Variants in TRAK2 observed in about 807,000 individuals in gnomAD.
The protein encoded by TRAK2 is trafficking kinesin-binding protein 2.
Under a neutral mutation model 104.6 loss-of-function variants are expected in TRAK2, and 81 were observed. The observed-to-expected ratio is 0.77, with a 90% CI of 0.65 to 0.93. The LOEUF is 0.93. Among genes scored for constraint, TRAK2 ranks in the 40% least tolerant of loss-of-function variants. TRAK2 has a pLI of 0.00. For missense variants in TRAK2, 1,002 were observed against 1,089.0 expected, an observed-to-expected ratio of 0.92 and a Z score of 1.12; for synonymous variants, 406 against 394.4, an observed-to-expected ratio of 1.03 and a Z score of -0.35.
chr2:201,428,292 AT>A (rs1951808073), intron 1 of TRAK2, among the ~76,000 whole-genome samples: 1 of 152,150 alleles, frequency 6.6e-6, no homozygotes, highest in South Asian at 2.1e-4. Context: ...TAGGGTTTTT[AT>A]GGTTTTAGGT....
intron 5 of TRAK2, among the ~76,000 whole-genome samples, chr2:201,399,156 C>T (rs1372078694): frequency 3.3e-5 from 5 of 151,986 alleles, no homozygotes; most frequent in Non-Finnish European, 5.9e-5. Flanking sequence ...ATTACAGATA[C>T]TTAATATAGA....
intron 2 of TRAK2, among the ~76,000 whole-genome samples, chr2:201,415,727 G>A (rs116400962): frequency 2.2e-4 from 33 of 152,242 alleles, no homozygotes; most frequent in African/African-American, 7.9e-4. Flanking sequence ...CAGAACATCA[G>A]TGGCTGTGTC....
At chr2:201,385,369 G>T (rs1255906688) in intron 14 of TRAK2, among the ~76,000 whole-genome samples, 6 of 151,136 alleles carry the variant, frequency 4.0e-5, no homozygotes, top group African/African-American at 1.5e-4. Context: ...TAGAGACAGG[G>T]TTTCACCATG....
chr2:201,386,044 G>A (rs1469535100), intron 14 of TRAK2, among the ~76,000 whole-genome samples, 174 bp downstream of exon 14: 2 of 152,174 alleles, frequency 1.3e-5, no homozygotes, highest in East Asian at 3.8e-4. Context: ...ACGCAGGCTG[G>A]CTAAGATAAA....
At chr2:201,439,981 GC>G (rs1951907747) in intron 1 of TRAK2, among the ~76,000 whole-genome samples, 1 of 147,966 alleles carries the variant, frequency 6.8e-6, no homozygotes, top group Admixed American at 6.7e-5. Flanking sequence ...TATACCTAAT[GC>G]TAAATGATGA....
chr2:201,405,444 T>C (rs1951585457), intron 3 of TRAK2, among the ~76,000 whole-genome samples: 1 of 152,182 alleles, frequency 6.6e-6, no homozygotes, highest in Non-Finnish European at 1.5e-5. Context: ...TTCTCAAACT[T>C]GTGTGTGCAT....
At chr2:201,427,523 A>G (rs1423409906) in intron 1 of TRAK2, among the ~76,000 whole-genome samples, 2 of 152,206 alleles carry the variant, frequency 1.3e-5, no homozygotes, top group African/African-American at 4.8e-5. Context: ...ATGGTTGCAT[A>G]GTATTCCAGA....
Position 201,419,361 on chromosome 2 carries a change from T to C in TRAK2, c.91+1056A>G, listed in dbSNP as rs144217883. On this transcript the variant is annotated intron_variant, in intron 2 of 15. Coordinates refer to ENST00000332624, the MANE Select transcript of TRAK2 (RefSeq NM_015049.3). The stretch of plus-strand genomic sequence containing the variant: ...GTCCAAGGCTGCTTTTCTGCTACAA[T>C]AGCAGGGATGAGTAAGTTCCAGCTT... 9.7e-5 allele frequency: 15 copies of C among 154,788 alleles called. No individual in the cohort carries two copies. The East Asian group carries it at 2.7e-3, about 28-fold the overall frequency. The allele number at this position is 154,788 out of a possible 1,614,324, so 9.6% of individuals were successfully genotyped here.
intron 2 of TRAK2, among the ~76,000 whole-genome samples, chr2:201,418,573 T>C (rs986836941): frequency 6.6e-5 from 10 of 152,184 alleles, no homozygotes; most frequent in South Asian, 2.1e-4. Flanking sequence ...TCTGTAAAGA[T>C]AGACTTAGGG....
Position 201,414,080 on chromosome 2 carries a change from T to A in TRAK2, c.91+6337A>T, listed in dbSNP as rs1951671708. Among the ~76,000 whole-genome samples, 3 of 152,104 alleles carry A rather than the reference T, an allele frequency of 2.0e-5. No individual in the cohort carries two copies. In the South Asian group the frequency reaches 6.2e-4, roughly 32 times the overall value. ...AGTAAGAAGTAACTAAAATAAGCAA[T>A]TAAGGCACCCAGGGTATCTGGCAGA... On this transcript the variant is annotated intron_variant, in intron 2 of 15. Coordinates refer to ENST00000332624, the MANE Select transcript of TRAK2 (RefSeq NM_015049.3).
intron 15 of TRAK2, among the ~76,000 whole-genome samples, chr2:201,383,649 TC>T (rs1483546138): frequency 6.6e-6 from 1 of 152,230 alleles, no homozygotes; most frequent in African/African-American, 2.4e-5. Flanking sequence ...CTGTATTCGT[TC>T]CTTGTAATAC....
At chr2:201,442,576 G>C (rs1360220493) in intron 1 of TRAK2, among the ~76,000 whole-genome samples, 3 of 152,178 alleles carry the variant, frequency 2.0e-5, no homozygotes, top group African/African-American at 7.2e-5. Context: ...GGCAAATTCA[G>C]TCATCAACTG....
In TRAK2 at chr2:201,384,198, C is replaced by CAA; in HGVS notation, c.1981_1982insTT (p.Gly661ValfsTer51). ...TGAGTTTGTGCACGACAGGCACTTT[C>CAA]CTGGGTTGGCGGTTGCAACTGAAAT... On this transcript the variant is annotated frameshift_variant, in exon 15 of 16. Coordinates refer to ENST00000332624, the MANE Select transcript of TRAK2 (RefSeq NM_015049.3). LOFTEE classifies it high-confidence loss of function. 1.2e-6 allele frequency: 2 copies of CAA among 1,612,870 alleles called. No individual in the cohort carries two copies. The highest frequency in any genetic ancestry group is 2.2e-5 in the South Asian group (2 of 90,784).
chr2:201,387,070 T>C (rs1008874776), intron 13 of TRAK2, among the ~76,000 whole-genome samples: 1 of 152,230 alleles, frequency 6.6e-6, no homozygotes, highest in African/African-American at 2.4e-5. Context: ...TGATCATTAA[T>C]GAATACAACT....
chr2:201,424,769 A>AT lies in TRAK2; in HGVS notation c.-199-4064dup, dbSNP rs551019428. ...AGGCACCCGCCACCTTGCCTGGCTA[A>AT]TTTTTTTTGTATTTTTTTTAGTAGA... On this transcript the variant is annotated intron_variant, in intron 1 of 15. Transcript: ENST00000332624. 3.2e-3 allele frequency among the ~76,000 whole-genome samples: 485 copies of AT among 149,722 alleles called. 3 individuals carry two copies. The highest frequency in any genetic ancestry group is 0.012 in the African/African-American group (467 of 40,302).
chr2:201,384,336 C>G, intron 14 of TRAK2, 120 bp from the exon 15 acceptor site: 1 of 771,050 alleles, frequency 1.3e-6, no homozygotes, highest in South Asian at 1.7e-5. Context: ...TTAAAAATCC[C>G]CAAATCTGGA....
At chr2:201,402,157 A>G (rs533222535) in intron 3 of TRAK2, among the ~76,000 whole-genome samples, 1 of 152,240 alleles carries the variant, frequency 6.6e-6, no homozygotes, top group African/African-American at 2.4e-5. Context: ...TACGTATCAT[A>G]TAACTGTTTA....
At position 201,377,851 on chromosome 2, in the gene TRAK2, G is replaced by A. The variant is rs1951302506; in HGVS notation, c.*2692C>T. 7 of 151,614 alleles carry A rather than the reference G, an allele frequency of 4.6e-5. No individual in the cohort carries two copies. The South Asian group carries it at 1.5e-3, about 32-fold the overall frequency. The allele number at this position is 151,614 out of a possible 1,614,324, so 9.4% of individuals were successfully genotyped here. The stretch of plus-strand genomic sequence containing the variant: ...AATAGGACACTCAGAAATACCTGAG[G>A]TATAATCACTGAAAACCTTCTTAAA... On this transcript the variant is annotated 3_prime_UTR_variant, in exon 16 of 16. Coordinates refer to ENST00000332624, the MANE Select transcript of TRAK2 (RefSeq NM_015049.3).
intron 3 of TRAK2, among the ~76,000 whole-genome samples, chr2:201,406,379 A>T (rs1339650670): frequency 6.6e-6 from 1 of 152,216 alleles, no homozygotes; most frequent in African/African-American, 2.4e-5. Context: ...GCATTAAAAC[A>T]CCACAACACT....
Sources: gnomAD v4.1 joint callset for allele counts (sites outside exome capture counted in the v4.1 genomes callset) on GRCh38, gnomAD v4.1.1 for gene constraint, MANE v1.5 for transcripts, NCBI Gene and HGNC (gene_info 2026-07-23, HGNC 2026-07-21) for gene names.